The following TENM4 variants were observed in gnomAD, a reference collection of about 807,000 sequenced individuals.
TENM4 encodes teneurin-4.
TENM4 carries 82 observed loss-of-function variants against 243.3 expected under a neutral mutation model. The ratio of observed to expected loss-of-function variants is 0.34; its 90% CI spans 0.28 to 0.40. The LOEUF (loss-of-function observed/expected upper bound fraction) is 0.40. TENM4 is among the 10% of genes least tolerant of loss of function. TENM4 has a pLI of 1.00. For missense variants in TENM4, 3,138 were observed against 3,673.3 expected (o/e 0.85, Z 3.77); for synonymous variants, 1,412 against 1,456.3 (o/e 0.97, Z 0.69).
At chr11:78,945,375 A>G (rs1028753171) in intron 6 of TENM4, among the ~76,000 whole-genome samples, 6 of 152,216 alleles carry the variant, frequency 3.9e-5, no homozygotes, top group African/African-American at 1.2e-4. Context: ...CTGAGATGCC[A>G]CAAACTGTGT....
At chr11:78,781,612 C>T (rs921416163) in intron 16 of TENM4, among the ~76,000 whole-genome samples, 7 of 152,130 alleles carry the variant, frequency 4.6e-5, no homozygotes, top group Non-Finnish European at 1.0e-4. Flanking sequence ...TTCAGGGGCC[C>T]CCTATCCAAA....
At chr11:79,358,010 A>C (rs536670329) in intron 1 of TENM4, among the ~76,000 whole-genome samples, 6 of 152,216 alleles carry the variant, frequency 3.9e-5, no homozygotes, top group Non-Finnish European at 7.3e-5. Context: ...TCCACTTTGA[A>C]ATATTAACGT....
At chr11:79,411,203 T>C (rs933505426) in intron 1 of TENM4, among the ~76,000 whole-genome samples, 1 of 152,150 alleles carries the variant, frequency 6.6e-6, no homozygotes, top group African/African-American at 2.4e-5. Context: ...CCCCAGGCCA[T>C]GGTATTTTCA....
At chr11:78,877,382 A>G (rs938124163) in intron 9 of TENM4, among the ~76,000 whole-genome samples, 2 of 152,120 alleles carry the variant, frequency 1.3e-5, no homozygotes, top group Admixed American at 1.3e-4. Context: ...CCAGTTAGGT[A>G]TTTACTCAGT....
At chr11:78,708,634 A>C in intron 26 of TENM4, 119 bp from the exon 27 acceptor site, 1 of 1,190,672 alleles carries the variant, frequency 8.4e-7, no homozygotes, top group East Asian at 2.6e-5. Flanking sequence ...TGAGCCTCCC[A>C]CAACCTTCAT....
At chr11:79,257,775 C>T (rs1855724777) in intron 2 of TENM4, among the ~76,000 whole-genome samples, 1 of 152,284 alleles carries the variant, frequency 6.6e-6, no homozygotes, top group South Asian at 2.1e-4. Context: ...CATTGCTGCT[C>T]AGAAGGGGAA....
intron 6 of TENM4, among the ~76,000 whole-genome samples, chr11:79,043,642 A>G (rs1275975535): frequency 1.3e-5 from 2 of 152,244 alleles, no homozygotes; most frequent in Non-Finnish European, 2.9e-5. Context: ...ACAAATACAG[A>G]AACCTTATTT....
intron 4 of TENM4, among the ~76,000 whole-genome samples, chr11:79,118,385 T>C (rs1263270985): frequency 6.6e-6 from 1 of 152,196 alleles, no homozygotes; most frequent in African/African-American, 2.4e-5. Flanking sequence ...TTTTAAAACA[T>C]TGAGGTAAAA....
intron 9 of TENM4, among the ~76,000 whole-genome samples, chr11:78,880,187 G>A (rs1234915506): frequency 6.6e-6 from 1 of 152,158 alleles, no homozygotes; most frequent in East Asian, 1.9e-4. Flanking sequence ...CATGTGCTGT[G>A]TCAACTCAGG....
At chr11:78,715,177 G>A (rs903597995) in intron 25 of TENM4, among the ~76,000 whole-genome samples, 6 of 152,178 alleles carry the variant, frequency 3.9e-5, no homozygotes, top group Admixed American at 6.5e-5. Context: ...AATGTCCCCT[G>A]AGACTTACCC....
rs1863071676 is a variant in TENM4, at chr11:79,172,668, T to TTG, written c.-162-23863_-162-23862insCA. ...GTTCTAATTCATCTTTTCTGTTCCT[T>TTG]TTTTTTTTTTTTTTGAGTCAGGGTC... On this transcript the variant is annotated intron_variant, in intron 3 of 33. Transcript: ENST00000278550. Among the ~76,000 whole-genome samples the TTG allele has an allele frequency of 3.4e-5, 4 of 118,432 alleles. No individual in the cohort carries two copies. In the South Asian group the frequency reaches 1.1e-3, roughly 34 times the overall value. 77.7% of individuals were successfully genotyped at this position (118,432 alleles called of 152,430 possible). A position where few individuals can be genotyped will look rare whatever the true frequency, so the allele number is the denominator to read the frequency against.
At chr11:78,810,788 TG>T (rs200974293) in intron 14 of TENM4, among the ~76,000 whole-genome samples, 18 of 152,302 alleles carry the variant, frequency 1.2e-4, no homozygotes, top group Admixed American at 2.6e-4. Flanking sequence ...AAATGACGCC[TG>T]GGAGAGGGCT....
intron 15 of TENM4, among the ~76,000 whole-genome samples, chr11:78,801,622 G>A (rs1386658198): frequency 3.3e-5 from 5 of 152,202 alleles, no homozygotes; most frequent in African/African-American, 7.2e-5. Context: ...GTTGATTTAA[G>A]CTGCTTTCAT....
chr11:79,043,335 C>T (rs1244815949), intron 6 of TENM4, among the ~76,000 whole-genome samples: 1 of 152,250 alleles, frequency 6.6e-6, no homozygotes, highest in East Asian at 1.9e-4. Flanking sequence ...GGAAGGTGCA[C>T]GTTTCCCTGC....
In TENM4 at chr11:78,670,024, G is replaced by A; in HGVS notation, c.6321C>T (p.Leu2107=). Residue 2107 remains leucine (L), a synonymous_variant, in exon 32 of 34, where the codon CTC becomes CTT. Coordinates refer to ENST00000278550, the MANE Select transcript of TENM4 (RefSeq NM_001098816.3). The stretch of plus-strand genomic sequence containing the variant: ...TGCCTGACACATCATCATAGCGATA[G>A]AGATCAATGGGCAGTGGGGTCTCGT... ...VINETPLPID[L]YRYDDVSGKT... 6.2e-7 allele frequency: 1 copy of A among 1,613,984 alleles called. No individual in the cohort carries two copies. The highest frequency in any genetic ancestry group is 8.5e-7 in the Non-Finnish European group (1 of 1,179,884).
intron 19 of TENM4, among the ~76,000 whole-genome samples, chr11:78,749,012 G>T (rs1056967482): frequency 6.6e-6 from 1 of 152,136 alleles, no homozygotes; most frequent in African/African-American, 2.4e-5. Flanking sequence ...AGCTGTTCCC[G>T]CTGCACCACA....
intron 5 of TENM4, among the ~76,000 whole-genome samples, chr11:79,069,020 C>A (rs1860340113): frequency 6.6e-6 from 1 of 151,978 alleles, no homozygotes; most frequent in Non-Finnish European, 1.5e-5. Context: ...TGTGGTTAAT[C>A]CTCCAAGAAA....
intron 3 of TENM4, among the ~76,000 whole-genome samples, chr11:79,201,952 T>G (rs1181898663): frequency 1.3e-5 from 2 of 152,016 alleles, no homozygotes; most frequent in African/African-American, 4.8e-5. Flanking sequence ...CTTGATGCAT[T>G]TGAGAGATAT....
intron 30 of TENM4, among the ~76,000 whole-genome samples, chr11:78,672,947 CT>C (rs1858371540): frequency 6.6e-6 from 1 of 152,004 alleles, no homozygotes; most frequent in Admixed American, 6.5e-5. Flanking sequence ...ACAATCAGGG[CT>C]TCTTGATTGC....
Sources: allele counts gnomAD v4.1 joint callset (sites outside exome capture counted in the v4.1 genomes callset), GRCh38; gene constraint gnomAD v4.1.1; transcripts MANE v1.5; gene names NCBI Gene and HGNC (gene_info 2026-07-23, HGNC 2026-07-21).